The following ZSWIM6 variants were observed in gnomAD, a reference collection of about 807,000 sequenced individuals.
ZSWIM6 encodes zinc finger SWIM-type containing 6, also known as zinc finger SWIM domain-containing protein 6.
A neutral mutation model predicts 113.2 loss-of-function variants in ZSWIM6; 9 were observed. The ratio of observed to expected loss-of-function variants is 0.08; its 90% confidence interval spans 0.05 to 0.14. The LOEUF is 0.14. ZSWIM6 is among the 10% of genes least tolerant of loss of function. ZSWIM6 has a pLI of 1.00. For missense variants in ZSWIM6, 1,162 were observed against 1,552.2 expected, an observed-to-expected ratio of 0.75 and a Z score of 4.22; for synonymous variants, 611 against 606.5, an observed-to-expected ratio of 1.01 and a Z score of -0.11.
chr5:61,506,369 G>A (rs1748619615), intron 4 of ZSWIM6, among the ~76,000 whole-genome samples: 2 of 152,160 alleles, frequency 1.3e-5, no homozygotes, highest in South Asian at 4.2e-4. Flanking sequence ...GATTACCTGA[G>A]GTTGGGAGTT....
chr5:61,448,872 T>C (rs1355408573), intron 1 of ZSWIM6, among the ~76,000 whole-genome samples: 1 of 152,192 alleles, frequency 6.6e-6, no homozygotes, highest in Non-Finnish European at 1.5e-5. Context: ...AAAATCACAG[T>C]TGCAGTAGGA....
intron 1 of ZSWIM6, among the ~76,000 whole-genome samples, chr5:61,367,291 C>T (rs1166381090): frequency 6.6e-6 from 1 of 152,056 alleles, no homozygotes; most frequent in Admixed American, 6.6e-5. Flanking sequence ...GGGTTTCATT[C>T]TGTAGCCCAG....
intron 5 of ZSWIM6, among the ~76,000 whole-genome samples, chr5:61,523,425 T>C (rs2112264722): frequency 6.6e-6 from 1 of 152,330 alleles, no homozygotes. Flanking sequence ...AGAGAATAAT[T>C]TTTTAATATA....
chr5:61,399,956 C>T (rs959095579), intron 1 of ZSWIM6, among the ~76,000 whole-genome samples: 2 of 152,082 alleles, frequency 1.3e-5, no homozygotes, highest in African/African-American at 4.8e-5. Flanking sequence ...CCTGTACACT[C>T]GGGGGTATAG....
In ZSWIM6 at chr5:61,332,543, T is replaced by C; in HGVS notation, c.271T>C (p.Phe91Leu). 1.5e-6 allele frequency: 2 copies of C among 1,345,538 alleles called. No individual in the cohort carries two copies. Among genetic ancestry groups the C allele is most frequent in the Non-Finnish European group, 2.0e-6 (2 of 1,020,714 alleles). The allele number at this position is 1,345,538 out of a possible 1,614,324, so 83.3% of individuals were successfully genotyped here. ...GCGCAGGGTGGCGGAGAAGTGGCCG[T>C]TCCAGCGCGTGGAGGAGCGCTTTGA... ...AARRVAEKWP[F>L]QRVEERFERI... Residue 91 changes from phenylalanine (F) to leucine (L), a missense_variant, in exon 1 of 14, where the codon TTC becomes CTC. This residue lies in a region of ZSWIM6 where 333 missense variants were observed against 293.4 expected (regional missense o/e 1.13). Transcript: ENST00000252744.
At chr5:61,499,774 G>A (rs531693455) in intron 4 of ZSWIM6, among the ~76,000 whole-genome samples, 11 of 152,252 alleles carry the variant, frequency 7.2e-5, no homozygotes, top group African/African-American at 2.6e-4. Context: ...CTTAAAAGCG[G>A]AGAAGAGGGA....
intron 1 of ZSWIM6, among the ~76,000 whole-genome samples, chr5:61,346,037 C>T (rs1000089420): frequency 4.6e-5 from 7 of 152,088 alleles, no homozygotes; most frequent in South Asian, 2.1e-4. Context: ...CTCCGCCTCC[C>T]GGGTTCAAGT....
intron 4 of ZSWIM6, among the ~76,000 whole-genome samples, chr5:61,506,831 A>G (rs985186459): frequency 1.3e-5 from 2 of 152,154 alleles, no homozygotes; most frequent in African/African-American, 2.4e-5. Context: ...GACTCTTATA[A>G]TAGCCTCTGA....
At chr5:61,471,021 C>T (rs1344439792) in intron 1 of ZSWIM6, among the ~76,000 whole-genome samples, 1 of 152,220 alleles carries the variant, frequency 6.6e-6, no homozygotes, top group African/African-American at 2.4e-5. Context: ...TTTACATCTG[C>T]AGCTCCATGT....
At chr5:61,457,092 T>TC (rs1324178558) in intron 1 of ZSWIM6, among the ~76,000 whole-genome samples, 2 of 151,678 alleles carry the variant, frequency 1.3e-5, no homozygotes, top group African/African-American at 4.9e-5. Context: ...AGTGTGATAT[T>TC]CCCCTTCCTG....
intron 2 of ZSWIM6, among the ~76,000 whole-genome samples, chr5:61,490,344 G>T (rs2112213632): frequency 6.6e-6 from 1 of 152,198 alleles, no homozygotes; most frequent in Non-Finnish European, 1.5e-5. Context: ...TACAGCAGCA[G>T]ATAATGGTGA....
chr5:61,461,578 C>T (rs903541396), intron 1 of ZSWIM6, among the ~76,000 whole-genome samples: 1 of 152,092 alleles, frequency 6.6e-6, no homozygotes, highest in African/African-American at 2.4e-5. Flanking sequence ...TGCCCTGTTG[C>T]TATAGTAGGC....
chr5:61,432,603 G>C (rs1416645313), intron 1 of ZSWIM6, among the ~76,000 whole-genome samples: 8 of 152,140 alleles, frequency 5.3e-5, no homozygotes, highest in Admixed American at 1.3e-4. Context: ...GAATCATATT[G>C]CCTATCCTGC....
At chr5:61,352,611 C>G (rs1243844142) in intron 1 of ZSWIM6, among the ~76,000 whole-genome samples, 1 of 152,244 alleles carries the variant, frequency 6.6e-6, no homozygotes, top group Admixed American at 6.5e-5. Context: ...GGGCCACTCC[C>G]AGATTTTCCA....
At chr5:61,512,711 A>AT (rs1748823131) in intron 4 of ZSWIM6, among the ~76,000 whole-genome samples, 1 of 151,964 alleles carries the variant, frequency 6.6e-6, no homozygotes, top group Non-Finnish European at 1.5e-5. Flanking sequence ...CTTAATTTGT[A>AT]TTTTCTAATG....
intron 1 of ZSWIM6, among the ~76,000 whole-genome samples, chr5:61,437,664 C>T (rs1480485092): frequency 2.1e-5 from 3 of 144,090 alleles, no homozygotes; most frequent in Non-Finnish European, 1.5e-5. Flanking sequence ...CTGCAGTAAG[C>T]TGTGATCATG....
chr5:61,501,585 A>T (rs1439206065), intron 4 of ZSWIM6, among the ~76,000 whole-genome samples: 1 of 152,234 alleles, frequency 6.6e-6, no homozygotes, highest in Non-Finnish European at 1.5e-5. Flanking sequence ...ATAGAATTAG[A>T]TAATTTGTAA....
Position 61,436,690 on chromosome 5 carries a change from G to A in ZSWIM6, c.677-35991G>A, listed in dbSNP as rs544165605. Among the ~76,000 whole-genome samples, 71 of 152,342 alleles carry A rather than the reference G, an allele frequency of 4.7e-4. No homozygotes were observed. In the South Asian group the frequency reaches 0.012, roughly 27 times the overall value. On this transcript the variant is annotated intron_variant, in intron 1 of 13. Transcript: ENST00000252744. ...AAATGGATGACCCTGGTCCTCAGAA[G>A]TGTACCTTCTAGTGGAAAGGTAAAT...
chr5:61,521,074 C>T (rs1459612853), intron 4 of ZSWIM6, among the ~76,000 whole-genome samples, 189 bp from the exon 5 acceptor site: 1 of 151,502 alleles, frequency 6.6e-6, no homozygotes, highest in Non-Finnish European at 1.5e-5. Context: ...ATAAAAATGA[C>T]CGACTTGGAT....
Sources: gnomAD v4.1 joint callset for allele counts (sites outside exome capture counted in the v4.1 genomes callset) on GRCh38, gnomAD v4.1.1 for gene constraint, gnomAD v4.1.1 regional missense constraint, MANE v1.5 for transcripts, NCBI Gene and HGNC (gene_info 2026-07-23, HGNC 2026-07-21) for gene names.